PARD3B: variants seen among roughly 807,000 people sequenced by gnomAD.
PARD3B encodes par-3 family cell polarity regulator beta.
In PARD3B, 103 loss-of-function variants were observed where a neutral mutation model predicts 130.2. The ratio of observed to expected loss-of-function variants is 0.79; its 90% confidence interval spans 0.67 to 0.93. The LOEUF is 0.93. Ranked by LOEUF, PARD3B falls within the 40% of genes least tolerant of loss-of-function variation. The pLI, the probability that PARD3B is intolerant of heterozygous loss-of-function variation, is 0.00. For missense variants in PARD3B, 1,609 were observed against 1,499.2 expected (o/e 1.07, Z -1.21); for synonymous variants, 583 against 553.2 (o/e 1.05, Z -0.76).
intron 1 of PARD3B, among the ~76,000 whole-genome samples, chr2:204,671,359 G>C (rs989060441): frequency 6.6e-6 from 1 of 152,056 alleles, no homozygotes; most frequent in Admixed American, 6.5e-5. Context: ...GATGGTGGGG[G>C]GCACCTACCT....
intron 20 of PARD3B, among the ~76,000 whole-genome samples, chr2:205,492,328 A>C (rs978156336): frequency 6.6e-6 from 1 of 152,168 alleles, no homozygotes; most frequent in Admixed American, 6.6e-5. Flanking sequence ...CCCTAAATTC[A>C]TTATTCTTAA....
rs1032653750 is a variant in PARD3B, at chr2:205,009,532, A to G, written c.395-38049A>G. On this transcript the variant is annotated intron_variant, in intron 3 of 22. Transcript: ENST00000406610. ...TAAAAATACAAAAAATTAGCCGGGC[A>G]TGGTGGCGGGCGCCTGTAGTCCCAG... Among the ~76,000 whole-genome samples the G allele has an allele frequency of 1.3e-3, 198 of 152,132 alleles. 1 individual carries two copies. The highest frequency in any genetic ancestry group is 4.3e-3 in the African/African-American group (179 of 41,506).
In PARD3B at chr2:205,274,427, C is replaced by T. The variant is rs1176246433; in HGVS notation, c.2186-26103C>T. Among the ~76,000 whole-genome samples, 1 of 151,902 alleles carries T rather than the reference C, an allele frequency of 6.6e-6. No individual in the cohort carries two copies. Among genetic ancestry groups the T allele is most frequent in the Non-Finnish European group, 1.5e-5 (1 of 67,956 alleles). ...TTATATTGCAGTGACTTTAATATTA[C>T]TGAGGAAGAAACCTGTAGTAATCTT... On this transcript the variant is annotated intron_variant, in intron 16 of 22. Transcript: ENST00000406610. The surrounding 1 kb of genome is among the most constrained non-coding windows in gnomAD (Gnocchi z 4.2).
chr2:204,915,635 T>G (rs929739113), intron 2 of PARD3B, among the ~76,000 whole-genome samples: 3 of 152,212 alleles, frequency 2.0e-5, no homozygotes, highest in Non-Finnish European at 4.4e-5. Flanking sequence ...TAAAGATATT[T>G]TAGTGAGCTT....
chr2:205,300,734 C>G lies in PARD3B; in HGVS notation c.2390C>G (p.Ala797Gly), dbSNP rs764068442. The change falls in exon 17 of 23, where the codon GCT becomes GGT. Residue 797 changes from alanine to glycine, a missense_variant and splice_region_variant. Ala to Gly is a moderately conservative substitution (Grantham distance 60). Transcript: ENST00000406610. The surrounding 1 kb of genome is among the most constrained non-coding windows in gnomAD (Gnocchi z 4.1). The stretch of plus-strand genomic sequence containing the variant: ...TACGATGGACCTGAAGAAATAGAAG[C>G]TGGTAGGATGATATGCTTCCTTAAA... ...KSYDGPEEIEADGLSDKSSHS... is the reference protein window; with the variant it reads ...KSYDGPEEIEGDGLSDKSSHS... 3 of 1,608,304 alleles carry G rather than the reference C, an allele frequency of 1.9e-6. No individual in the cohort carries two copies. In the Admixed American group the frequency reaches 5.0e-5, roughly 27 times the overall value.
intron 22 of PARD3B, among the ~76,000 whole-genome samples, chr2:205,601,473 CT>C (rs1284684173): frequency 2.0e-5 from 3 of 152,108 alleles, no homozygotes; most frequent in African/African-American, 7.2e-5. Flanking sequence ...ATGATAGTTT[CT>C]TTTGCTGTGG....
At chr2:205,166,381 T>G (rs574071961) in intron 11 of PARD3B, among the ~76,000 whole-genome samples, 211 of 152,242 alleles carry the variant, frequency 1.4e-3, no homozygotes, top group African/African-American at 4.9e-3. Flanking sequence ...AAGGGCATTT[T>G]GGGTAGAAGA....
intron 15 of PARD3B, among the ~76,000 whole-genome samples, chr2:205,204,020 A>C (rs1371812393): frequency 6.6e-6 from 1 of 152,216 alleles, no homozygotes; most frequent in Admixed American, 6.5e-5. Flanking sequence ...TCCTTGAGGA[A>C]TCACCACACT....
intron 2 of PARD3B, among the ~76,000 whole-genome samples, chr2:204,742,246 A>G (rs1004977796): frequency 6.6e-6 from 1 of 152,212 alleles, no homozygotes; most frequent in African/African-American, 2.4e-5. Flanking sequence ...CATTATACGT[A>G]TATGTATATG....
intron 10 of PARD3B, among the ~76,000 whole-genome samples, chr2:205,131,704 G>A (rs1034874410): frequency 2.0e-5 from 3 of 152,094 alleles, no homozygotes; most frequent in African/African-American, 7.2e-5. Flanking sequence ...GAGCCACATG[G>A]GCAAAAGAAA....
At chr2:205,489,491 A>ATATG (rs2049584018) in intron 20 of PARD3B, among the ~76,000 whole-genome samples, 2 of 141,140 alleles carry the variant, frequency 1.4e-5, no homozygotes, top group African/African-American at 5.3e-5. Context: ...ATACATATAT[A>ATATG]TGTGTGTATA....
chr2:204,601,980 C>T (rs1017054343), intron 1 of PARD3B, among the ~76,000 whole-genome samples: 17 of 151,856 alleles, frequency 1.1e-4, no homozygotes, highest in Admixed American at 3.3e-4. Context: ...ATAATTATGG[C>T]GACTTTAGAC....
At chr2:204,695,168 C>T (rs2037550967) in intron 2 of PARD3B, among the ~76,000 whole-genome samples, 1 of 152,060 alleles carries the variant, frequency 6.6e-6, no homozygotes, top group Non-Finnish European at 1.5e-5. Flanking sequence ...CATTACTGGA[C>T]CCAGTTCTAC....
chr2:205,367,079 A>T (rs1295630788), intron 18 of PARD3B, among the ~76,000 whole-genome samples: 1 of 152,240 alleles, frequency 6.6e-6, no homozygotes, highest in Non-Finnish European at 1.5e-5. Flanking sequence ...ATTTCTACTG[A>T]TACCTTCAAA....
intron 10 of PARD3B, among the ~76,000 whole-genome samples, chr2:205,151,331 C>T (rs1056131592): frequency 6.6e-6 from 1 of 152,088 alleles, no homozygotes; most frequent in Non-Finnish European, 1.5e-5. Flanking sequence ...AACTTTCTGT[C>T]TCATTGATCT....
intron 2 of PARD3B, among the ~76,000 whole-genome samples, chr2:204,941,608 A>T (rs1173044235): frequency 6.6e-6 from 1 of 152,128 alleles, no homozygotes; most frequent in African/African-American, 2.4e-5. Context: ...TCCTCAAGGT[A>T]ATGTTGGAGT....
At chr2:205,413,037 G>GTCTT (rs1201590253) in intron 19 of PARD3B, among the ~76,000 whole-genome samples, 1 of 152,094 alleles carries the variant, frequency 6.6e-6, no homozygotes, top group Non-Finnish European at 1.5e-5. Flanking sequence ...ATTTTTCTTC[G>GTCTT]TCTTTCTTTG....
chr2:205,434,453 T>G (rs1319883154), intron 19 of PARD3B, among the ~76,000 whole-genome samples: 1 of 152,112 alleles, frequency 6.6e-6, no homozygotes, highest in Non-Finnish European at 1.5e-5. Flanking sequence ...CGTAATCTAG[T>G]TATGGAAGCA....
At chr2:205,542,144 CAAAAAAAAAAAAAAAA>C (rs71032484) in intron 21 of PARD3B, among the ~76,000 whole-genome samples, 2 of 38,056 alleles carry the variant, frequency 5.3e-5, no homozygotes, top group Non-Finnish European at 8.3e-5. Flanking sequence ...ACTCCGTCTC[CAAAAAAAAAAAAAAAA>C]AAAAAAAAAA....
Sources: gnomAD v4.1 joint callset for allele counts (sites outside exome capture counted in the v4.1 genomes callset) on GRCh38, gnomAD v4.1.1 for gene constraint, Gnocchi (gnomAD v3.1) non-coding constraint, MANE v1.5 for transcripts, NCBI Gene and HGNC (gene_info 2026-07-23, HGNC 2026-07-21) for gene names.